EPHA5: variants seen among roughly 807,000 people sequenced by gnomAD.
The protein encoded by EPHA5 is EPH receptor A5.
In EPHA5, 60 loss-of-function variants were observed where a neutral mutation model predicts 105.0. The observed-to-expected ratio is 0.57, with a 90% confidence interval of 0.46 to 0.71. EPHA5 has a LOEUF of 0.71. Ranked by LOEUF, EPHA5 falls within the 30% of genes least tolerant of loss-of-function variation. EPHA5 has a pLI of 0.00. For synonymous variants in EPHA5, 513 were observed against 449.1 expected, an observed-to-expected ratio of 1.14 and a Z score of -1.80; for missense variants, 1,218 against 1,274.7, an observed-to-expected ratio of 0.96 and a Z score of 0.68.
At chr4:65,423,074 T>G (rs1450341572) in intron 5 of EPHA5, among the ~76,000 whole-genome samples, 1 of 151,978 alleles carries the variant, frequency 6.6e-6, no homozygotes, top group Admixed American at 6.6e-5. Context: ...GTTATGGCAG[T>G]TTTTCAAAGT....
chr4:65,496,804 A>G (rs1438827776), intron 3 of EPHA5, among the ~76,000 whole-genome samples: 1 of 152,288 alleles, frequency 6.6e-6, no homozygotes, highest in East Asian at 1.9e-4. Flanking sequence ...GTGTTTGACC[A>G]CAAAAGGCGT....
intron 11 of EPHA5, among the ~76,000 whole-genome samples, chr4:65,363,197 A>G (rs1031386807): frequency 1.3e-5 from 2 of 151,536 alleles, no homozygotes; most frequent in Non-Finnish European, 3.0e-5. Flanking sequence ...ATAGGAAGAA[A>G]GATAAGTGGA....
intron 11 of EPHA5, among the ~76,000 whole-genome samples, chr4:65,353,503 TACACACACAC>T (rs66462845): frequency 1.4e-5 from 2 of 146,280 alleles, no homozygotes; most frequent in Non-Finnish European, 3.0e-5. Context: ...ATTTAAGATT[TACACACACAC>T]ACACACACAC....
intron 5 of EPHA5, among the ~76,000 whole-genome samples, chr4:65,475,709 T>C (rs1729730506): frequency 6.6e-6 from 1 of 152,210 alleles, no homozygotes; most frequent in Non-Finnish European, 1.5e-5. Context: ...ACTGAGCTGC[T>C]CTGATTATGA....
intron 3 of EPHA5, among the ~76,000 whole-genome samples, chr4:65,545,238 C>T (rs909332304): frequency 1.3e-5 from 2 of 151,800 alleles, no homozygotes; most frequent in Non-Finnish European, 2.9e-5. Context: ...GCTATCTTCC[C>T]TTCACTTAAC....
chr4:65,322,882 A>C lies in EPHA5; in HGVS notation c.*1232T>G. 4.4e-6 allele frequency: 1 copy of C among 229,262 alleles called. No homozygotes were observed. 14.2% of individuals were successfully genotyped at this position (229,262 alleles called of 1,614,324 possible). On this transcript the variant is annotated 3_prime_UTR_variant, in exon 17 of 17. Transcript: ENST00000613740. ...TTTGTCATAATTCCATTGCTGCCTT[A>C]GAGTCAAAATTTCTAGAACTGAGTC...
chr4:65,335,944 T>C lies in EPHA5; in HGVS notation c.2777A>G (p.Asn926Ser), dbSNP rs2148812462. 1 of 1,610,820 alleles carries C rather than the reference T, an allele frequency of 6.2e-7. No individual in the cohort carries two copies. The highest frequency in any genetic ancestry group is 8.5e-7 in the Non-Finnish European group (1 of 1,178,236). The change falls in exon 15 of 17, where the codon AAT (asparagine) becomes AGT (serine). Residue 926 changes from asparagine (N) to serine (S), a missense_variant. Asn to Ser is a conservative substitution (Grantham distance 46). Coordinates refer to ENST00000613740, the MANE Select transcript of EPHA5 (RefSeq NM_001281766.3). ...RNPSSLKTLV[N>S]ASCRVSNLLA... Reference sequence around the variant, plus strand: ...TCTGGCCTTGTACCTGCAGGATGCATTAACCAGCGTCTTCAGACTACTTGG... The same window carrying C: ...TCTGGCCTTGTACCTGCAGGATGCACTAACCAGCGTCTTCAGACTACTTGG...
intron 4 of EPHA5, among the ~76,000 whole-genome samples, chr4:65,492,735 T>C (rs1731535161): frequency 6.6e-6 from 1 of 152,094 alleles, no homozygotes. Context: ...TCGTAAACAG[T>C]GCTGCAATAA....
intron 5 of EPHA5, among the ~76,000 whole-genome samples, chr4:65,441,490 C>T (rs1726007914): frequency 6.6e-6 from 1 of 151,720 alleles, no homozygotes; most frequent in Non-Finnish European, 1.5e-5. Flanking sequence ...TTTAAAAATG[C>T]TCACTCTGGT....
intron 3 of EPHA5, among the ~76,000 whole-genome samples, chr4:65,576,104 AAAAGAAAAG>A (rs1258415318): frequency 4.2e-5 from 3 of 70,738 alleles, no homozygotes; most frequent in Admixed American, 1.5e-4. Flanking sequence ...AAAAGAAAAG[AAAAGAAAAG>A]AAAAAAGAAA....
intron 2 of EPHA5, among the ~76,000 whole-genome samples, chr4:65,603,438 A>C (rs1743932865): frequency 6.6e-6 from 1 of 152,002 alleles, no homozygotes; most frequent in Non-Finnish European, 1.5e-5. Flanking sequence ...CTTTCAAAAA[A>C]TCCAGAATGT....
At chr4:65,633,900 T>G (rs983202356) in intron 2 of EPHA5, among the ~76,000 whole-genome samples, 3 of 151,968 alleles carry the variant, frequency 2.0e-5, no homozygotes, top group African/African-American at 7.2e-5. Flanking sequence ...AATAAACAAT[T>G]GGATGCAAAA....
At chr4:65,508,359 A>G (rs1205910096) in intron 3 of EPHA5, among the ~76,000 whole-genome samples, 2 of 152,086 alleles carry the variant, frequency 1.3e-5, no homozygotes, top group African/African-American at 2.4e-5. Flanking sequence ...TAAAACTTCC[A>G]TTTAGGGACA....
intron 3 of EPHA5, among the ~76,000 whole-genome samples, chr4:65,495,958 C>T (rs778457465): frequency 1.6e-4 from 25 of 152,206 alleles, no homozygotes; most frequent in Non-Finnish European, 3.2e-4. Context: ...AGTAGGCACT[C>T]AAAATTGTGT....
chr4:65,586,406 ATAAT>A (rs1372050194), intron 3 of EPHA5, among the ~76,000 whole-genome samples: 2 of 151,770 alleles, frequency 1.3e-5, no homozygotes, highest in Non-Finnish European at 2.9e-5. Flanking sequence ...TCATATGAAT[ATAAT>A]TAGTTCTTTT....
chr4:65,322,771 T>A lies in EPHA5; in HGVS notation c.*1343A>T, dbSNP rs1719739263. On this transcript the variant is annotated 3_prime_UTR_variant, in exon 17 of 17. Coordinates refer to ENST00000613740, the MANE Select transcript of EPHA5 (RefSeq NM_001281766.3). Reference sequence around the variant, plus strand: ...CAAATGAATAAACATCCATTAAAAATAAAACTTATCAATTATTGAAATAAA... The same window carrying A: ...CAAATGAATAAACATCCATTAAAAAAAAAACTTATCAATTATTGAAATAAA... 4.4e-6 allele frequency: 1 copy of A among 227,386 alleles called. No homozygotes were observed. The highest frequency in any genetic ancestry group is 8.7e-6 in the Non-Finnish European group (1 of 114,398). 14.1% of individuals were successfully genotyped at this position (227,386 alleles called of 1,614,324 possible). A position where few individuals can be genotyped will look rare whatever the true frequency, so the allele number is the denominator to read the frequency against.
chr4:65,490,956 A>G (rs1731345547), intron 4 of EPHA5, among the ~76,000 whole-genome samples: 1 of 152,180 alleles, frequency 6.6e-6, no homozygotes, highest in Non-Finnish European at 1.5e-5. Context: ...TGCTTCATGT[A>G]TATGTAAACA....
chr4:65,614,116 G>A (rs932041518), intron 2 of EPHA5, among the ~76,000 whole-genome samples: 8 of 151,924 alleles, frequency 5.3e-5, no homozygotes, highest in South Asian at 4.1e-4. Flanking sequence ...TCCTACTGGC[G>A]TCTTCTGTCA....
intron 5 of EPHA5, among the ~76,000 whole-genome samples, chr4:65,430,974 A>C (rs1724915036): frequency 6.6e-6 from 1 of 152,142 alleles, no homozygotes; most frequent in Admixed American, 6.6e-5. Flanking sequence ...GTAATTGTAA[A>C]ACTCTTAGTT....
Sources: allele counts gnomAD v4.1 joint callset (sites outside exome capture counted in the v4.1 genomes callset), GRCh38; gene constraint gnomAD v4.1.1; transcripts MANE v1.5; gene names NCBI Gene and HGNC (gene_info 2026-07-23, HGNC 2026-07-21).